CDK11B: variants seen among roughly 807,000 people sequenced by gnomAD.
CDK11B encodes the protein cyclin-dependent kinase 11B.
In CDK11B, 37 loss-of-function variants were observed where a neutral mutation model predicts 84.0. The observed-to-expected ratio is 0.44, with a 90% CI of 0.34 to 0.58. The LOEUF (loss-of-function observed/expected upper bound fraction) is 0.58, where lower values mean the gene tolerates loss of function less well. Among genes scored for constraint, CDK11B ranks in the 20% least tolerant of loss-of-function variants. The pLI, the probability that CDK11B is intolerant of heterozygous loss-of-function variation, is 0.02. For missense variants in CDK11B, 427 were observed against 834.0 expected, an observed-to-expected ratio of 0.51 and a Z score of 6.01; for synonymous variants, 269 against 309.8, an observed-to-expected ratio of 0.87 and a Z score of 1.38.
At position 1,657,408 on chromosome 1, in the gene CDK11B, T is replaced by C; in HGVS notation, c.78A>G (p.Gln26=). Residue 26 remains glutamine, a synonymous_variant, in exon 2 of 20, where the codon CAA becomes CAG. Transcript: ENST00000341832. ...AGCGTTTTATCTCTGCTTTCTCCTC[T>C]TGTTCCTTCCTTCGTTTCTTTTCCT... ...ILQEKKRRKE[Q]EEKAEIKRLK... The C allele has an allele frequency of 6.3e-7, 1 of 1,590,754 alleles. No individual in the cohort carries two copies. Among genetic ancestry groups the C allele is most frequent in the South Asian group, 1.1e-5 (1 of 87,506 alleles).
At chr1:1,652,035 G>A (rs1205650643) in intron 4 of CDK11B, among the ~76,000 whole-genome samples, 2 of 151,484 alleles carry the variant, frequency 1.3e-5, no homozygotes, top group Non-Finnish European at 2.9e-5. Flanking sequence ...TCTGGTTTTT[G>A]GTCTGTGACA....
chr1:1,640,885 G>A (rs1356334748), intron 10 of CDK11B, among the ~76,000 whole-genome samples, 163 bp downstream of exon 10: 2 of 151,278 alleles, frequency 1.3e-5, no homozygotes, highest in South Asian at 2.1e-4. Flanking sequence ...GTGCCTCGCT[G>A]AGGAATGCGG....
rs1193517135 is a variant in CDK11B at position 1,635,525 on chromosome 1, C to T, written c.*239G>A. The T allele has an allele frequency of 2.6e-5, 12 of 458,756 alleles. 1 individual carries two copies. Among genetic ancestry groups the T allele is most frequent in the Non-Finnish European group, 3.7e-5 (10 of 269,052 alleles). 28.4% of individuals were successfully genotyped at this position (458,756 alleles called of 1,614,324 possible). On this transcript the variant is annotated 3_prime_UTR_variant, in exon 20 of 20. Coordinates refer to ENST00000341832, the MANE Select transcript of CDK11B (RefSeq NM_033486.3). Reference sequence around the variant, plus strand: ...GTGTGTGGAGGTTTGTGCTGCCCCACGTGGGCACCCGAAGATGTCCACCCT... The same window carrying T: ...GTGTGTGGAGGTTTGTGCTGCCCCATGTGGGCACCCGAAGATGTCCACCCT...
At chr1:1,652,071 C>G (rs1375189578) in intron 4 of CDK11B, among the ~76,000 whole-genome samples, 1 of 150,770 alleles carries the variant, frequency 6.6e-6, no homozygotes, top group Non-Finnish European at 1.5e-5. Flanking sequence ...TTAGTTTGCT[C>G]TCATAGCCCT....
At position 1,637,389 on chromosome 1, in the gene CDK11B, C is replaced by A. The variant is rs751287754; in HGVS notation, c.1570+19G>T. 1.6e-5 allele frequency: 25 copies of A among 1,610,516 alleles called. 1 individual carries two copies. In the East Asian group the frequency reaches 5.4e-4, roughly 35 times the overall value. On this transcript the variant is annotated intron_variant, in intron 14 of 19. Coordinates refer to ENST00000341832, the MANE Select transcript of CDK11B (RefSeq NM_033486.3). ...TGCCCCCACTTGTACGCAGACAGGC[C>A]CCTGGGGCGCGGCTGTACCTGGCAG...
At chr1:1,646,344 A>G in intron 5 of CDK11B, 2 of 460,118 alleles carry the variant, frequency 4.3e-6, no homozygotes, top group Non-Finnish European at 8.6e-6. Context: ...ATTTATTTGT[A>G]CTTTTTAAAA....
intron 2 of CDK11B, among the ~76,000 whole-genome samples, chr1:1,656,980 T>C (rs1186258203): frequency 6.6e-6 from 1 of 152,252 alleles, no homozygotes; most frequent in Non-Finnish European, 1.5e-5. Context: ...AAAGGTTTCC[T>C]GAGTACATTA....
intron 4 of CDK11B, among the ~76,000 whole-genome samples, chr1:1,650,080 C>A (rs1364169578): frequency 4.0e-5 from 6 of 150,986 alleles, no homozygotes; most frequent in African/African-American, 7.3e-5. Flanking sequence ...ACCATCCTGG[C>A]TAACACGGTG....
At chr1:1,653,736 C>A (rs1471707246) in intron 3 of CDK11B, among the ~76,000 whole-genome samples, 1 of 151,864 alleles carries the variant, frequency 6.6e-6, no homozygotes, top group African/African-American at 2.4e-5. Context: ...GTAATCCCAG[C>A]ACTTTGGGAG....
intron 14 of CDK11B, 32 bp from the exon 15 acceptor site, chr1:1,637,234 G>C (rs765606829): frequency 1.2e-6 from 2 of 1,610,332 alleles, no homozygotes; most frequent in Admixed American, 1.7e-5. Context: ...ATGTGGACCT[G>C]GCTGCCCCCA....
Position 1,638,953 on chromosome 1 carries a change from T to C in CDK11B, c.1252-363A>G, listed in dbSNP as rs1485874953. Reference sequence around the variant, plus strand: ...CTGTTTTCTATTTTTTTTTTTTTTTTTTTTTGAGACGGAGTCTCGCTCTGT... The same window carrying C: ...CTGTTTTCTATTTTTTTTTTTTTTTCTTTTTGAGACGGAGTCTCGCTCTGT... On this transcript the variant is annotated intron_variant, in intron 11 of 19. Coordinates refer to ENST00000341832, the MANE Select transcript of CDK11B (RefSeq NM_033486.3). Among the ~76,000 whole-genome samples, 23 of 148,446 alleles carry C rather than the reference T, an allele frequency of 1.5e-4. No homozygotes were observed. The East Asian group carries it at 2.1e-3, about 14-fold the overall frequency.
chr1:1,646,226 A>C (rs1450338122), intron 5 of CDK11B: 1 of 368,520 alleles, frequency 2.7e-6, no homozygotes, highest in African/African-American at 2.1e-5. Context: ...GACCTTTCAC[A>C]TGTCATATAA....
intron 5 of CDK11B, among the ~76,000 whole-genome samples, chr1:1,648,294 T>C (rs1641434672): frequency 6.7e-6 from 1 of 150,140 alleles, no homozygotes. Context: ...TGTACTCTCG[T>C]GGGACAAGAC....
intron 6 of CDK11B, among the ~76,000 whole-genome samples, chr1:1,643,623 C>T (rs1284807882): frequency 6.8e-6 from 1 of 146,018 alleles, no homozygotes; most frequent in Non-Finnish European, 1.5e-5. Flanking sequence ...GACGCGTGAA[C>T]ACGACGGAAA....
chr1:1,643,419 T>G (rs1471216375), intron 6 of CDK11B, among the ~76,000 whole-genome samples: 1 of 151,246 alleles, frequency 6.6e-6, no homozygotes, highest in Admixed American at 6.6e-5. Flanking sequence ...AAATGTCCAT[T>G]TTTTTGACTA....
intron 11 of CDK11B, among the ~76,000 whole-genome samples, chr1:1,639,249 T>C (rs896420137): frequency 1.3e-5 from 2 of 151,738 alleles, no homozygotes; most frequent in Admixed American, 6.6e-5. Flanking sequence ...TCAAAACTCC[T>C]TTCTACAAAA....
intron 4 of CDK11B, among the ~76,000 whole-genome samples, chr1:1,651,149 C>T (rs1464248790): frequency 4.6e-5 from 7 of 152,192 alleles, no homozygotes; most frequent in East Asian, 1.9e-4. Flanking sequence ...GATGTTGGTA[C>T]GAGATCAAAC....
intron 3 of CDK11B, among the ~76,000 whole-genome samples, chr1:1,654,815 C>T (rs767599939): frequency 1.6e-4 from 24 of 152,080 alleles, no homozygotes; most frequent in East Asian, 3.9e-4. Context: ...CCTGCCACCA[C>T]GCCCGGCTAA....
intron 2 of CDK11B, among the ~76,000 whole-genome samples, chr1:1,656,341 A>G (rs1298342800): frequency 6.6e-6 from 1 of 152,082 alleles, no homozygotes; most frequent in Non-Finnish European, 1.5e-5. Flanking sequence ...AAATATAAAA[A>G]TTAGCCGAGC....
Sources: allele counts gnomAD v4.1 joint callset (sites outside exome capture counted in the v4.1 genomes callset), GRCh38; gene constraint gnomAD v4.1.1; transcripts MANE v1.5; gene names NCBI Gene and HGNC (gene_info 2026-07-23, HGNC 2026-07-21).